ATP2B2: variants seen among roughly 807,000 people sequenced by gnomAD.
ATP2B2 encodes the protein ATPase plasma membrane Ca2+ transporting 2.
ATP2B2 carries 15 observed loss-of-function variants against 120.0 expected under a neutral mutation model. The ratio of observed to expected loss-of-function variants is 0.12; its 90% CI spans 0.08 to 0.19. The LOEUF is 0.19. Ranked by LOEUF, ATP2B2 falls within the 10% of genes least tolerant of loss-of-function variation. The pLI is 1.00. For synonymous variants in ATP2B2, 694 were observed against 700.3 expected (o/e 0.99, Z 0.14); for missense variants, 1,045 against 1,719.8 (o/e 0.61, Z 6.94).
rs2060455478 is a variant in ATP2B2 at position 10,347,199 on chromosome 3, A to AC, written c.2405-1063dup. Among the ~76,000 whole-genome samples the AC allele has an allele frequency of 6.6e-6, 1 of 151,338 alleles. No homozygotes were observed. Among genetic ancestry groups the AC allele is most frequent in the Admixed American group, 6.6e-5 (1 of 15,212 alleles). Reference sequence around the variant, plus strand: ...TCTTCTCTTCTCTCATCCCCTGGCCACCCCCAATCTGTGCTTACGGTCCCA... The same window carrying AC: ...TCTTCTCTTCTCTCATCCCCTGGCCACCCCCCAATCTGTGCTTACGGTCCCA... On this transcript the variant is annotated intron_variant, in intron 16 of 22. Transcript: ENST00000360273. This position sits in a 1 kb window ranked among gnomAD's most constrained non-coding sequence, Gnocchi z 5.2.
At chr3:10,465,594 A>C (rs1377932986) in intron 1 of ATP2B2, among the ~76,000 whole-genome samples, 5 of 152,140 alleles carry the variant, frequency 3.3e-5, no homozygotes, top group African/African-American at 1.2e-4. Flanking sequence ...TGTGGTTGGA[A>C]CCTAGGTTCA....
intron 2 of ATP2B2, among the ~76,000 whole-genome samples, chr3:10,436,384 C>A (rs2063481311): frequency 6.6e-6 from 1 of 152,194 alleles, no homozygotes; most frequent in East Asian, 1.9e-4. Context: ...CCTCTCGTCC[C>A]AACTCTGTGT....
At chr3:10,596,231 T>TGGGAGG (rs1040047623) in intron 2 of ATP2B2, among the ~76,000 whole-genome samples, 7 of 152,154 alleles carry the variant, frequency 4.6e-5, no homozygotes, top group Admixed American at 4.6e-4. Flanking sequence ...CAGGTCGAGG[T>TGGGAGG]GGGAGGGATC....
intron 2 of ATP2B2, among the ~76,000 whole-genome samples, chr3:10,597,169 ACACAGG>A (rs1159077534): frequency 1.4e-3 from 205 of 151,262 alleles, no homozygotes; most frequent in Middle Eastern, 7.0e-3. Flanking sequence ...ACAGGCACGC[ACACAGG>A]CACAGGCACA....
At chr3:10,440,950 G>A (rs1330168636) in intron 2 of ATP2B2, among the ~76,000 whole-genome samples, 1 of 152,226 alleles carries the variant, frequency 6.6e-6, no homozygotes, top group African/African-American at 2.4e-5. Context: ...AGCCTCAGCA[G>A]GGAGCCTGGC....
At chr3:10,429,078 T>C (rs2063230248) in intron 2 of ATP2B2, among the ~76,000 whole-genome samples, 1 of 152,024 alleles carries the variant, frequency 6.6e-6, no homozygotes, top group Admixed American at 6.6e-5. Context: ...TGGCTTCGTC[T>C]CCCACCCAAT....
chr3:10,633,548 G>A (rs2069932802), intron 1 of ATP2B2, among the ~76,000 whole-genome samples: 1 of 152,160 alleles, frequency 6.6e-6, no homozygotes, highest in African/African-American at 2.4e-5. Flanking sequence ...CACATCAAAT[G>A]CCTTCTTCTC....
intron 2 of ATP2B2, among the ~76,000 whole-genome samples, chr3:10,425,946 G>C (rs1288093591): frequency 6.6e-6 from 1 of 152,176 alleles, no homozygotes; most frequent in Admixed American, 6.5e-5. Flanking sequence ...TGCAGGCAGA[G>C]AAAATCCATT....
chr3:10,683,417 G>T (rs28620083), intron 1 of ATP2B2, among the ~76,000 whole-genome samples: 3,597 of 152,042 alleles, frequency 0.024, 138 homozygotes, highest in African/African-American at 0.08. Flanking sequence ...TGTTGCTTGG[G>T]TTTTGCTGAA....
In ATP2B2 at chr3:10,400,966, G is replaced by A. The variant is rs1343515019; in HGVS notation, c.768C>T (p.Pro256=). ...DQVRKSVDKD[P]MLLSGTHVME... ...GCTGAAGCTCACCTGACAGCAGCAT[G>A]GGGTCCTTGTCCACGGACTTGCGCA... Residue 256 remains proline, a synonymous_variant, in exon 5 of 23, where the codon CCC becomes CCT. Coordinates refer to ENST00000360273, the MANE Select transcript of ATP2B2 (RefSeq NM_001001331.4). 4 of 1,614,088 alleles carry A rather than the reference G, an allele frequency of 2.5e-6. No individual in the cohort carries two copies. The highest frequency in any genetic ancestry group is 3.4e-6 in the Non-Finnish European group (4 of 1,179,974).
At chr3:10,419,754 G>A (rs1032866176) in intron 2 of ATP2B2, among the ~76,000 whole-genome samples, 5 of 152,192 alleles carry the variant, frequency 3.3e-5, no homozygotes, top group African/African-American at 1.2e-4. Flanking sequence ...GAAGGCAGCC[G>A]AGCCAGGCCT....
intron 1 of ATP2B2, among the ~76,000 whole-genome samples, chr3:10,495,892 C>T (rs533116553): frequency 9.8e-5 from 15 of 152,348 alleles, no homozygotes; most frequent in Admixed American, 2.0e-4. Flanking sequence ...CACCCGCAGT[C>T]GTATACCACC....
At chr3:10,645,688 C>T (rs1219776884) in intron 1 of ATP2B2, among the ~76,000 whole-genome samples, 1 of 152,220 alleles carries the variant, frequency 6.6e-6, no homozygotes, top group Non-Finnish European at 1.5e-5. Context: ...ATTGAGTCTG[C>T]ATCTGTCTCC....
At position 10,346,958 on chromosome 3, in the gene ATP2B2, C is replaced by T. The variant is rs1003854451; in HGVS notation, c.2405-821G>A. On this transcript the variant is annotated intron_variant, in intron 16 of 22. Coordinates refer to ENST00000360273, the MANE Select transcript of ATP2B2 (RefSeq NM_001001331.4). The surrounding 1 kb of genome is among the most constrained non-coding windows in gnomAD (Gnocchi z 4.1). ...TCTCCACCCTCTGCCACCAGCATCA[C>T]TTTGTTTCCTCTCACTGACTCTGGA... Among the ~76,000 whole-genome samples the T allele has an allele frequency of 5.3e-5, 8 of 152,178 alleles. No individual in the cohort carries two copies. The highest frequency in any genetic ancestry group is 2.9e-5 in the Non-Finnish European group (2 of 68,038).
At chr3:10,685,621 GC>G (rs2071501318) in intron 1 of ATP2B2, among the ~76,000 whole-genome samples, 1 of 152,178 alleles carries the variant, frequency 6.6e-6, no homozygotes, top group South Asian at 2.1e-4. Context: ...CTGTCCACTG[GC>G]CAAGCAATGT....
At chr3:10,653,872 T>C (rs145067505) in intron 1 of ATP2B2, among the ~76,000 whole-genome samples, 2 of 152,314 alleles carry the variant, frequency 1.3e-5, no homozygotes, top group Non-Finnish European at 2.9e-5. Flanking sequence ...TCCTGCTTCC[T>C]GGATTGCCCT....
chr3:10,425,091 G>A (rs145124395), intron 2 of ATP2B2, among the ~76,000 whole-genome samples: 1,522 of 151,890 alleles, frequency 0.01, 24 homozygotes, highest in African/African-American at 0.032. Context: ...AGGAGTTTGA[G>A]ACCAGCCTAG....
chr3:10,393,913 T>G (rs1475866294), intron 5 of ATP2B2, among the ~76,000 whole-genome samples: 2 of 152,064 alleles, frequency 1.3e-5, no homozygotes, highest in Non-Finnish European at 2.9e-5. Flanking sequence ...CCTGAGCTGG[T>G]CTAGATGGTG....
At chr3:10,350,254 G>GGA in intron 15 of ATP2B2, 55 bp from the exon 16 acceptor site, 1 of 1,579,488 alleles carries the variant, frequency 6.3e-7, no homozygotes, top group Non-Finnish European at 8.7e-7. Context: ...AGAAACTGAG[G>GGA]CCTGGAGAAG....
Sources: gnomAD v4.1 joint callset for allele counts (sites outside exome capture counted in the v4.1 genomes callset) on GRCh38, gnomAD v4.1.1 for gene constraint, Gnocchi (gnomAD v3.1) non-coding constraint, MANE v1.5 for transcripts, NCBI Gene and HGNC (gene_info 2026-07-23, HGNC 2026-07-21) for gene names.